The following DNAH12 variants were observed in gnomAD, a reference collection of about 807,000 sequenced individuals.
The protein encoded by DNAH12 is dynein axonemal heavy chain 12.
DNAH12 carries 285 observed loss-of-function variants against 371.5 expected under a neutral mutation model. The observed-to-expected ratio is 0.77, with a 90% CI of 0.70 to 0.85. The LOEUF (loss-of-function observed/expected upper bound fraction) is 0.85. DNAH12 is among the 40% of genes least tolerant of loss of function. The pLI, the probability that DNAH12 is intolerant of heterozygous loss-of-function variation, is 0.00. For synonymous variants in DNAH12, 1,200 were observed against 1,213.0 expected (o/e 0.99, Z 0.22); for missense variants, 3,611 against 3,689.4 (o/e 0.98, Z 0.55).
At chr3:57,405,508 A>G in intron 41 of DNAH12, 145 bp downstream of exon 41, 1 of 939,582 alleles carries the variant, frequency 1.1e-6, no homozygotes, top group Admixed American at 2.9e-5. Flanking sequence ...CTATGAAGAT[A>G]AATCTTCTCA....
At chr3:57,479,298 C>A (rs1234741568) in intron 13 of DNAH12, among the ~76,000 whole-genome samples, 2 of 151,894 alleles carry the variant, frequency 1.3e-5, no homozygotes, top group East Asian at 3.9e-4. Context: ...AGACTTTAAA[C>A]CAACAAAGAT....
chr3:57,454,814 C>A lies in DNAH12; in HGVS notation c.3417G>T (p.Trp1139Cys), dbSNP rs2065857886. The A allele has an allele frequency of 6.4e-7, 1 of 1,551,258 alleles. No homozygotes were observed. Among genetic ancestry groups the A allele is most frequent in the Middle Eastern group, 1.7e-4 (1 of 6,014 alleles). Residue 1139 changes from tryptophan to cysteine, a missense_variant, in exon 23 of 74, where the codon TGG (tryptophan) becomes TGT (cysteine). By Grantham distance (215) the Trp-to-Cys change is radical. This residue lies in a region of DNAH12 where 1,314 missense variants were observed against 1,398.7 expected (regional missense o/e 0.94). Transcript: ENST00000495027. ...TTATCACTTCCTGTGTCTCAGATGT[C>A]CAGAACATTTGAGAAATACAAAGTA... Reference protein sequence around the residue: ...QVVLCISQMFWTSETQEVISG... With the variant: ...QVVLCISQMFCTSETQEVISG...
At chr3:57,480,827 T>C (rs141024548) in intron 13 of DNAH12, among the ~76,000 whole-genome samples, 3,647 of 152,296 alleles carry the variant, frequency 0.024, 66 homozygotes, top group Non-Finnish European at 0.034. Context: ...ACCATATGAT[T>C]ATCTCAATAG....
intron 60 of DNAH12, among the ~76,000 whole-genome samples, chr3:57,350,017 CT>C (rs1399780442): frequency 6.6e-6 from 1 of 152,146 alleles, no homozygotes; most frequent in Non-Finnish European, 1.5e-5. Flanking sequence ...AGTGAAGTAA[CT>C]CGCTTCACTT....
intron 23 of DNAH12, 56 bp downstream of exon 23, chr3:57,454,719 T>C: frequency 1.3e-6 from 2 of 1,535,872 alleles, no homozygotes; most frequent in South Asian, 2.5e-5. Flanking sequence ...ATAATAAAAT[T>C]AAATTTTAAA....
At chr3:57,423,062 T>G (rs2064642134) in intron 35 of DNAH12, among the ~76,000 whole-genome samples, 2 of 152,180 alleles carry the variant, frequency 1.3e-5, no homozygotes, top group Non-Finnish European at 2.9e-5. Context: ...TCAGTGTGGC[T>G]GGGGGACTGC....
chr3:57,517,567 G>A (rs1449646203), intron 4 of DNAH12, among the ~76,000 whole-genome samples: 1 of 151,646 alleles, frequency 6.6e-6, no homozygotes, highest in Non-Finnish European at 1.5e-5. Context: ...GGTTTTTGTT[G>A]CAGAAAAAAA....
At chr3:57,502,269 C>T in intron 10 of DNAH12, 54 bp downstream of exon 10, 1 of 1,599,204 alleles carries the variant, frequency 6.3e-7, no homozygotes, top group Non-Finnish European at 8.5e-7. Flanking sequence ...TGACCAAATT[C>T]TAGCACAAAT....
In DNAH12 at chr3:57,415,412, G is replaced by A; in HGVS notation, c.5853+14C>T. ...AAATTAACGATAGACCCCCATTTCT[G>A]TCTTTAAACTAACCTGAACCTGATT... On this transcript the variant is annotated intron_variant, in intron 38 of 73. Transcript: ENST00000495027. 1.3e-6 allele frequency: 2 copies of A among 1,545,510 alleles called. No homozygotes were observed. Among genetic ancestry groups the A allele is most frequent in the South Asian group, 2.4e-5 (2 of 81,956 alleles).
chr3:57,357,827 C>A (rs2062835169), intron 58 of DNAH12, among the ~76,000 whole-genome samples: 1 of 152,100 alleles, frequency 6.6e-6, no homozygotes, highest in African/African-American at 2.4e-5. Flanking sequence ...GTACTGGAAC[C>A]CAGCACAGTC....
At chr3:57,431,730 CT>C (rs1292917131) in intron 32 of DNAH12, among the ~76,000 whole-genome samples, 1 of 152,182 alleles carries the variant, frequency 6.6e-6, no homozygotes. Context: ...GACCTTGGTA[CT>C]ACTAATGATA....
At chr3:57,492,867 T>C (rs1052878779) in intron 11 of DNAH12, among the ~76,000 whole-genome samples, 1 of 151,986 alleles carries the variant, frequency 6.6e-6, no homozygotes, top group Non-Finnish European at 1.5e-5. Flanking sequence ...TGGCCAGGTG[T>C]AGTGGTAGGC....
intron 62 of DNAH12, among the ~76,000 whole-genome samples, chr3:57,330,708 T>C (rs1006406014): frequency 7.2e-4 from 99 of 137,596 alleles, no homozygotes; most frequent in Non-Finnish European, 1.3e-3. Flanking sequence ...AAACTTAAAG[T>C]ATAATAATTA....
intron 25 of DNAH12, among the ~76,000 whole-genome samples, chr3:57,452,465 T>A (rs1016242293): frequency 3.3e-5 from 5 of 152,122 alleles, no homozygotes; most frequent in African/African-American, 4.8e-5. Context: ...TCCATCCTAC[T>A]TAACAGCACT....
rs747370092 is a variant in DNAH12, at chr3:57,504,136, C to G, written c.966G>C (p.Arg322Ser). Residue 322 changes from arginine to serine, a missense_variant, in exon 9 of 74, where the codon AGG (arginine) becomes AGC (serine). By Grantham distance (110) the Arg-to-Ser change is moderately radical (BLOSUM62 -1). This residue lies in a region of DNAH12 where 1,314 missense variants were observed against 1,398.7 expected (regional missense o/e 0.94). Coordinates refer to ENST00000495027, the MANE Select transcript of DNAH12 (RefSeq NM_001366028.2). ...TCAATTCTATCTTAAATATTGGCAG[C>G]CTTTGTTGATCTTTTGGGTCAAAGA... Reference protein sequence around the residue: ...VKLFDPKDQQRLPIFKIELTF... With the variant: ...VKLFDPKDQQSLPIFKIELTF... The G allele has an allele frequency of 2.7e-5, 43 of 1,613,860 alleles. No homozygotes were observed. In the South Asian group the frequency reaches 3.6e-4, roughly 14 times the overall value.
intron 58 of DNAH12, among the ~76,000 whole-genome samples, chr3:57,360,472 T>A (rs2062900386): frequency 6.6e-6 from 1 of 152,136 alleles, no homozygotes; most frequent in Non-Finnish European, 1.5e-5. Flanking sequence ...GCGGATCACC[T>A]GAGGTTGGGA....
chr3:57,541,036 T>TCC (rs562408638), intron 2 of DNAH12, among the ~76,000 whole-genome samples: 1 of 149,470 alleles, frequency 6.7e-6, no homozygotes, highest in African/African-American at 2.5e-5. Flanking sequence ...AATGCATCTC[T>TCC]CCCCCTCCCT....
At position 57,338,441 on chromosome 3, in the gene DNAH12, A is replaced by G. The variant is rs1292193176; in HGVS notation, c.9675-3501T>C. 4.0e-5 allele frequency among the ~76,000 whole-genome samples: 5 copies of G among 126,224 alleles called. No homozygotes were observed. The East Asian group carries it at 9.8e-4, about 25-fold the overall frequency. The allele number at this position is 126,224 out of a possible 152,430, so 82.8% of individuals were successfully genotyped here. On this transcript the variant is annotated intron_variant, in intron 60 of 73. Transcript: ENST00000495027. ...GAGGAGCATCTCTGCCTGGCCGCCC[A>G]TCATCTGGGATGTGGGGAGCGCCTT... is the stretch of plus-strand genomic sequence containing the variant.
intron 5 of DNAH12, among the ~76,000 whole-genome samples, chr3:57,510,378 C>T (rs373326214): frequency 3.9e-5 from 6 of 152,054 alleles, no homozygotes; most frequent in Admixed American, 2.0e-4. Flanking sequence ...AGTGGCTCAG[C>T]GTGTAATCCC....
Sources: allele counts gnomAD v4.1 joint callset (sites outside exome capture counted in the v4.1 genomes callset), GRCh38; gene constraint gnomAD v4.1.1; regional missense constraint gnomAD v4.1.1; transcripts MANE v1.5; gene names NCBI Gene and HGNC (gene_info 2026-07-23, HGNC 2026-07-21).